RAP1GDS1: variants seen among roughly 807,000 people sequenced by gnomAD.
RAP1GDS1 encodes Rap1 GTPase-GDP dissociation stimulator 1, also known as RAP1, GTP-GDP dissociation stimulator 1.
RAP1GDS1 carries 35 observed loss-of-function variants against 71.1 expected under a neutral mutation model. That is an observed-to-expected ratio of 0.49 (90% CI 0.38 to 0.65). The LOEUF is 0.65. Among genes scored for constraint, RAP1GDS1 ranks in the 30% least tolerant of loss-of-function variants. The pLI is 0.00. For missense variants in RAP1GDS1, 663 were observed against 706.1 expected (o/e 0.94, Z 0.69); for synonymous variants, 229 against 243.1 (o/e 0.94, Z 0.54).
chr4:98,351,788 G>A (rs921012926), intron 3 of RAP1GDS1, among the ~76,000 whole-genome samples: 8 of 151,674 alleles, frequency 5.3e-5, no homozygotes, highest in African/African-American at 1.9e-4. Context: ...TAAAAATAAG[G>A]AAAAAATGGG....
intron 3 of RAP1GDS1, among the ~76,000 whole-genome samples, chr4:98,349,326 C>A (rs968160960): frequency 3.3e-5 from 5 of 152,054 alleles, no homozygotes; most frequent in Non-Finnish European, 5.9e-5. Flanking sequence ...ATTGGTCTAG[C>A]TCTCTGTTTT....
intron 7 of RAP1GDS1, chr4:98,409,718 G>A: frequency 4.4e-6 from 2 of 452,598 alleles, no homozygotes; most frequent in South Asian, 1.8e-5. Context: ...ACAAACGGAA[G>A]GGGCCTGAGC....
intron 14 of RAP1GDS1, among the ~76,000 whole-genome samples, chr4:98,438,580 A>C (rs1751462764): frequency 7.6e-6 from 1 of 132,316 alleles, no homozygotes; most frequent in African/African-American, 3.0e-5. Context: ...ATATATATAT[A>C]TATATATATC....
intron 11 of RAP1GDS1, 144 bp from the exon 12 acceptor site, chr4:98,421,111 A>G: frequency 3.5e-6 from 3 of 866,698 alleles, no homozygotes; most frequent in Non-Finnish European, 5.0e-6. Flanking sequence ...AGCCCATCAC[A>G]TAAGGAATAT....
chr4:98,374,903 A>T (rs1740939172), intron 4 of RAP1GDS1, among the ~76,000 whole-genome samples: 1 of 152,138 alleles, frequency 6.6e-6, no homozygotes, highest in African/African-American at 2.4e-5. Flanking sequence ...GAACATTCCT[A>T]TTACAGTTAG....
chr4:98,264,135 C>T lies in RAP1GDS1; in HGVS notation c.4+2566C>T, dbSNP rs974301264. 2.6e-4 allele frequency among the ~76,000 whole-genome samples: 40 copies of T among 152,034 alleles called. 1 individual carries two copies. Among genetic ancestry groups the T allele is most frequent in the South Asian group, 2.1e-4 (1 of 4,810 alleles). ...GTTGATTTTTAAAGATAGTCTCAGC[C>T]GGGCGCGCACTTTGGGAGGCCGAGG... On this transcript the variant is annotated intron_variant, in intron 1 of 14. Transcript: ENST00000408927.
intron 14 of RAP1GDS1, among the ~76,000 whole-genome samples, chr4:98,438,588 A>ATC (rs1751472264): frequency 3.5e-5 from 3 of 86,942 alleles, no homozygotes; most frequent in African/African-American, 2.3e-4. Flanking sequence ...ATATATATAT[A>ATC]TCTTTTTTTT....
At chr4:98,411,382 A>G (rs1438948734) in intron 7 of RAP1GDS1, among the ~76,000 whole-genome samples, 1 of 152,234 alleles carries the variant, frequency 6.6e-6, no homozygotes, top group East Asian at 1.9e-4. Context: ...TTCAGAGGCC[A>G]AGGCAGAAGG....
At chr4:98,378,947 G>A in intron 4 of RAP1GDS1, 70 bp from the exon 5 acceptor site, 2 of 1,346,688 alleles carry the variant, frequency 1.5e-6, no homozygotes, top group Non-Finnish European at 1.0e-6. Flanking sequence ...ACACTGTTAT[G>A]TTTTGTATTT....
At chr4:98,263,222 A>G (rs1722275174) in intron 1 of RAP1GDS1, among the ~76,000 whole-genome samples, 1 of 152,208 alleles carries the variant, frequency 6.6e-6, no homozygotes. Flanking sequence ...AGTATGTCCA[A>G]TAACCCTATC....
At chr4:98,397,692 A>G (rs973390938) in intron 6 of RAP1GDS1, among the ~76,000 whole-genome samples, 1 of 152,140 alleles carries the variant, frequency 6.6e-6, no homozygotes, top group Non-Finnish European at 1.5e-5. Flanking sequence ...GATGGCATCA[A>G]GATTTCTAGA....
At chr4:98,333,517 G>T (rs879669132) in intron 2 of RAP1GDS1, among the ~76,000 whole-genome samples, 22 of 151,994 alleles carry the variant, frequency 1.4e-4, no homozygotes, top group Non-Finnish European at 2.8e-4. Context: ...TTACAATTAT[G>T]TTCAGCAATT....
intron 12 of RAP1GDS1, among the ~76,000 whole-genome samples, chr4:98,432,598 A>T: frequency 6.6e-6 from 1 of 152,158 alleles, no homozygotes; most frequent in Non-Finnish European, 1.5e-5. Context: ...CAAAGCAAAG[A>T]TACTTTCTAA....
chr4:98,359,450 G>C (rs1296634252), intron 4 of RAP1GDS1, among the ~76,000 whole-genome samples: 1 of 152,054 alleles, frequency 6.6e-6, no homozygotes, highest in Non-Finnish European at 1.5e-5. Flanking sequence ...TGTATTTCTG[G>C]GTATAGTTCT....
intron 14 of RAP1GDS1, among the ~76,000 whole-genome samples, chr4:98,440,589 A>ATGAT (rs1316024164): frequency 2.6e-5 from 4 of 152,082 alleles, no homozygotes; most frequent in African/African-American, 4.8e-5. Flanking sequence ...CGTTTCCCTA[A>ATGAT]TGATTACTGA....
intron 7 of RAP1GDS1, among the ~76,000 whole-genome samples, chr4:98,408,072 A>G (rs1203254597): frequency 6.6e-6 from 1 of 151,136 alleles, no homozygotes; most frequent in Non-Finnish European, 1.5e-5. Flanking sequence ...ATTATGAACA[A>G]TTTGATGCCC....
In RAP1GDS1 at chr4:98,421,300, G is replaced by A. The variant is rs187721964; in HGVS notation, c.1346G>A (p.Arg449His). Residue 449 changes from arginine to histidine, a missense_variant, in exon 12 of 15, where the codon CGT (arginine) becomes CAT (histidine). Coordinates refer to ENST00000408927, the MANE Select transcript of RAP1GDS1 (RefSeq NM_001100427.2). ...QLGKNVKLVE[R>H]LVEWCEAKDH... is the part of the protein sequence containing the mutation. The stretch of plus-strand genomic sequence containing the variant: ...GGAAAGAATGTTAAGTTAGTGGAGC[G>A]TTTGGTGGAATGGTGTGAAGCCAAA... 4.7e-5 allele frequency: 76 copies of A among 1,611,492 alleles called. No homozygotes were observed. In the East Asian group the frequency reaches 5.4e-4, roughly 11 times the overall value.
intron 1 of RAP1GDS1, 52 bp downstream of exon 1, chr4:98,261,621 C>A (rs1424546620): frequency 1.3e-6 from 2 of 1,573,270 alleles, no homozygotes; most frequent in South Asian, 1.1e-5. Flanking sequence ...TCTTTCTCGG[C>A]GTGCTGCAGG....
intron 6 of RAP1GDS1, among the ~76,000 whole-genome samples, chr4:98,393,879 TTTTAAC>T (rs1174097788): frequency 6.6e-6 from 1 of 152,208 alleles, no homozygotes; most frequent in African/African-American, 2.4e-5. Flanking sequence ...AATGTTTACT[TTTTAAC>T]TTTTTTAGCA....
Sources: allele counts gnomAD v4.1 joint callset (sites outside exome capture counted in the v4.1 genomes callset), GRCh38; gene constraint gnomAD v4.1.1; transcripts MANE v1.5; gene names NCBI Gene and HGNC (gene_info 2026-07-23, HGNC 2026-07-21).